The following PSPC1 variants were observed in gnomAD, a reference collection of about 807,000 sequenced individuals.
PSPC1 encodes paraspeckle protein 1.
Under a neutral mutation model 51.6 loss-of-function variants are expected in PSPC1, and 14 were observed. The observed-to-expected ratio is 0.27, with a 90% CI of 0.18 to 0.42. The LOEUF is 0.42. Ranked by LOEUF, PSPC1 falls within the 10% of genes least tolerant of loss-of-function variation. PSPC1 has a pLI of 1.00. For synonymous variants in PSPC1, 193 were observed against 231.9 expected (o/e 0.83, Z 1.53); for missense variants, 406 against 701.1 (o/e 0.58, Z 4.75).
chr13:19,730,650 T>A (rs1254372990), intron 5 of PSPC1, among the ~76,000 whole-genome samples: 1 of 151,998 alleles, frequency 6.6e-6, no homozygotes, highest in Non-Finnish European at 1.5e-5. Flanking sequence ...ACATGTACTC[T>A]CTTACTATAG....
intron 2 of PSPC1, among the ~76,000 whole-genome samples, chr13:19,767,713 G>A (rs1309208297): frequency 6.6e-6 from 1 of 151,990 alleles, no homozygotes; most frequent in Non-Finnish European, 1.5e-5. Context: ...AACAACTGGA[G>A]ACCTGCACGG....
At chr13:19,693,809 C>A (rs920252410) in intron 6 of PSPC1, among the ~76,000 whole-genome samples, 3 of 152,118 alleles carry the variant, frequency 2.0e-5, no homozygotes, top group Non-Finnish European at 4.4e-5. Flanking sequence ...TAATCTCACA[C>A]TGACACTTAA....
chr13:19,682,425 T>G (rs1423213051), intron 6 of PSPC1, among the ~76,000 whole-genome samples: 1 of 142,506 alleles, frequency 7.0e-6, no homozygotes, highest in African/African-American at 2.6e-5. Flanking sequence ...TAAATAGCAA[T>G]ATGGGTGTAC....
chr13:19,708,318 G>C (rs1043365884), intron 7 of PSPC1, among the ~76,000 whole-genome samples: 8 of 152,172 alleles, frequency 5.3e-5, no homozygotes, highest in African/African-American at 1.9e-4. Flanking sequence ...TACATTGTTT[G>C]CCATGGTAGT....
chr13:19,698,894 CA>C (rs1565969968), downstream of PSPC1, among the ~76,000 whole-genome samples: 1 of 151,120 alleles, frequency 6.6e-6, no homozygotes, highest in Non-Finnish European at 1.5e-5. Context: ...TTCTGTTATT[CA>C]AAAGGAAAAA....
chr13:19,747,115 A>T (rs1252621888), intron 4 of PSPC1, among the ~76,000 whole-genome samples: 2 of 152,248 alleles, frequency 1.3e-5, no homozygotes, highest in Non-Finnish European at 2.9e-5. Context: ...TCTCAAAAAA[A>T]TAAAAAAAAA....
At chr13:19,720,540 A>G (rs1882640812) in intron 6 of PSPC1, among the ~76,000 whole-genome samples, 1 of 152,182 alleles carries the variant, frequency 6.6e-6, no homozygotes, top group Non-Finnish European at 1.5e-5. Flanking sequence ...GTTAGTACAT[A>G]TTTTCTTCTA....
rs1887642250 is a variant in PSPC1, at chr13:19,761,992, T to C, written c.675-2574A>G. Among the ~76,000 whole-genome samples the C allele has an allele frequency of 2.6e-5, 4 of 152,072 alleles. No individual in the cohort carries two copies. In the South Asian group the frequency reaches 8.3e-4, roughly 32 times the overall value. ...TGTCATTCATCAGAAATGACAAAAGTATATGAAGCCAAGGGAAACCGTAAT... is the reference window on the plus strand; with the variant it reads ...TGTCATTCATCAGAAATGACAAAAGCATATGAAGCCAAGGGAAACCGTAAT... On this transcript the variant is annotated intron_variant, in intron 2 of 8. Transcript: ENST00000338910.
At chr13:19,769,610 C>T (rs1236016601) in intron 2 of PSPC1, among the ~76,000 whole-genome samples, 1 of 151,246 alleles carries the variant, frequency 6.6e-6, no homozygotes, top group Non-Finnish European at 1.5e-5. Context: ...TGGCGCATGC[C>T]TGTAATCCCA....
downstream of PSPC1, chr13:19,671,794 C>G: frequency 1.9e-6 from 3 of 1,598,182 alleles, no homozygotes; most frequent in South Asian, 1.1e-5. Flanking sequence ...AAGGGGAAAT[C>G]TGGATCTGTA....
At chr13:19,711,242 G>C (rs189172130) in intron 6 of PSPC1, among the ~76,000 whole-genome samples, 3 of 152,188 alleles carry the variant, frequency 2.0e-5, no homozygotes, top group Admixed American at 6.5e-5. Flanking sequence ...GACTGAGGCG[G>C]GGTGCAGTGG....
intron 6 of PSPC1, among the ~76,000 whole-genome samples, chr13:19,684,814 A>T (rs1458637056): frequency 6.6e-6 from 1 of 152,220 alleles, no homozygotes; most frequent in Non-Finnish European, 1.5e-5. Flanking sequence ...ATTTGGCATG[A>T]ACTCCTCACT....
chr13:19,685,529 C>T (rs1240297915), intron 6 of PSPC1, among the ~76,000 whole-genome samples: 1 of 152,190 alleles, frequency 6.6e-6, no homozygotes, highest in African/African-American at 2.4e-5. Context: ...TCTCCCTTAA[C>T]ATCTCAGAAG....
intron 2 of PSPC1, among the ~76,000 whole-genome samples, chr13:19,768,229 C>A (rs1310329906): frequency 2.0e-5 from 3 of 149,876 alleles, no homozygotes; most frequent in East Asian, 2.0e-4. Flanking sequence ...TGTCCCCCCC[C>A]AAAAAAATAA....
At chr13:19,713,774 T>C (rs933123817) in intron 6 of PSPC1, among the ~76,000 whole-genome samples, 6 of 152,158 alleles carry the variant, frequency 3.9e-5, no homozygotes, top group Admixed American at 1.3e-4. Context: ...CATTCCATCA[T>C]TGCAGCGGTT....
intron 2 of PSPC1, among the ~76,000 whole-genome samples, chr13:19,760,353 C>T (rs754310958): frequency 7.9e-5 from 12 of 151,856 alleles, no homozygotes; most frequent in African/African-American, 1.2e-4. Context: ...CGTGGTGAAA[C>T]CCCGTTTCTA....
chr13:19,737,674 C>A (rs1884993437), intron 5 of PSPC1, among the ~76,000 whole-genome samples: 1 of 152,068 alleles, frequency 6.6e-6, no homozygotes, highest in Admixed American at 6.6e-5. Flanking sequence ...TTTTGCCCAC[C>A]AACTTTGGTA....
At chr13:19,770,579 G>A (rs1888531553) in intron 2 of PSPC1, among the ~76,000 whole-genome samples, 1 of 152,148 alleles carries the variant, frequency 6.6e-6, no homozygotes, top group Non-Finnish European at 1.5e-5. Context: ...CCTGAGGTCA[G>A]CAGTTCCAGA....
At chr13:19,745,855 A>T (rs1387503980) in intron 4 of PSPC1, among the ~76,000 whole-genome samples, 1 of 152,128 alleles carries the variant, frequency 6.6e-6, no homozygotes, top group Non-Finnish European at 1.5e-5. Flanking sequence ...TCCTGTCGGC[A>T]TTAATGTTCT....
Sources: gnomAD v4.1 joint callset for allele counts (sites outside exome capture counted in the v4.1 genomes callset) on GRCh38, gnomAD v4.1.1 for gene constraint, MANE v1.5 for transcripts, NCBI Gene and HGNC (gene_info 2026-07-23, HGNC 2026-07-21) for gene names.